The following SEMA3D variants were observed in gnomAD, a reference collection of about 807,000 sequenced individuals.
The protein encoded by SEMA3D is semaphorin 3D.
A neutral mutation model predicts 100.1 loss-of-function variants in SEMA3D; 84 were observed. The observed-to-expected ratio is 0.84, with a 90% CI of 0.70 to 1.01. The LOEUF is 1.01. Among genes scored for constraint, SEMA3D ranks in the 50% least tolerant of loss-of-function variants. SEMA3D has a pLI of 0.00. For synonymous variants in SEMA3D, 312 were observed against 320.7 expected (o/e 0.97, Z 0.29); for missense variants, 875 against 934.1 (o/e 0.94, Z 0.82).
At chr7:85,212,683 C>T in the SEMA3D span, among the ~76,000 whole-genome samples, 3 of 151,878 alleles carry the variant, frequency 2.0e-5, no homozygotes, top group Non-Finnish European at 4.4e-5. Context: ...TAATGATTTA[C>T]TACAGATAAA....
intron 9 of SEMA3D, among the ~76,000 whole-genome samples, chr7:85,048,997 C>T (rs1791084033): frequency 6.6e-6 from 1 of 151,726 alleles, no homozygotes; most frequent in African/African-American, 2.4e-5. Flanking sequence ...TTGGCACTTG[C>T]TCTTTACTGT....
chr7:85,120,021 C>T (rs1177091651), intron 3 of SEMA3D, among the ~76,000 whole-genome samples: 2 of 151,034 alleles, frequency 1.3e-5, no homozygotes, highest in Non-Finnish European at 2.9e-5. Flanking sequence ...TAGCTCACTG[C>T]AGTCAAACTC....
At chr7:85,023,457 G>T (rs961350052) in intron 12 of SEMA3D, among the ~76,000 whole-genome samples, 1 of 151,772 alleles carries the variant, frequency 6.6e-6, no homozygotes, top group Non-Finnish European at 1.5e-5. Context: ...ACCTCGTATA[G>T]AACGATTCTT....
chr7:85,165,117 T>C (rs1277037615), intron 1 of SEMA3D, among the ~76,000 whole-genome samples: 3 of 151,808 alleles, frequency 2.0e-5, no homozygotes, highest in East Asian at 1.9e-4. Flanking sequence ...GTCCTTGCGA[T>C]AGACGAGTTA....
chr7:85,126,731 C>A (rs755434102), intron 2 of SEMA3D, among the ~76,000 whole-genome samples: 4 of 151,680 alleles, frequency 2.6e-5, no homozygotes, highest in Non-Finnish European at 4.4e-5. Flanking sequence ...GTGGACAGCA[C>A]AACAAAGAGG....
At position 85,022,550 on chromosome 7, in the gene SEMA3D, T is replaced by G. The variant is rs769440994; in HGVS notation, c.1255A>C (p.Ser419Arg). The part of the protein sequence containing the change: ...STRDFPDDVI[S>R]FIKRHSVMYK... ...ATCACAGAGTGCCGCTTTATGAAAC[T>G]GATGACATCATCTGGAAAATCTCGG... is the stretch of plus-strand genomic sequence containing the variant. The change falls in exon 13 of 19, where the codon AGT becomes CGT. Residue 419 changes from serine to arginine, a missense_variant. Ser to Arg is a moderately radical substitution (Grantham distance 110). Coordinates refer to ENST00000284136, the MANE Select transcript of SEMA3D (RefSeq NM_001384900.1). 6 of 1,612,490 alleles carry G rather than the reference T, an allele frequency of 3.7e-6. No homozygotes were observed. The African/African-American group carries it at 6.7e-5, about 18-fold the overall frequency.
At chr7:85,016,163 C>T (rs940098766) in intron 15 of SEMA3D, among the ~76,000 whole-genome samples, 4 of 151,024 alleles carry the variant, frequency 2.6e-5, no homozygotes, top group Admixed American at 6.6e-5. Flanking sequence ...CTGTTTGACA[C>T]TAATGACTAT....
chr7:85,188,085 T>C (rs1271370045), upstream of SEMA3D, among the ~76,000 whole-genome samples: 1 of 152,190 alleles, frequency 6.6e-6, no homozygotes, highest in Non-Finnish European at 1.5e-5. Flanking sequence ...ACAAGAGATA[T>C]CTTGATTTGG....
chr7:85,151,577 G>A (rs1790419830), intron 2 of SEMA3D: 1 of 907,400 alleles, frequency 1.1e-6, no homozygotes, highest in Non-Finnish European at 1.3e-6. Flanking sequence ...CGTAGTTGAT[G>A]TGTGTATGCA....
At chr7:85,015,469 A>G (rs1790072416) in intron 15 of SEMA3D, among the ~76,000 whole-genome samples, 1 of 151,836 alleles carries the variant, frequency 6.6e-6, no homozygotes, top group South Asian at 2.1e-4. Context: ...CAGAAGGTCA[A>G]AAACCAGCTG....
intron 18 of SEMA3D, 140 bp from the exon 19 acceptor site, chr7:85,000,005 T>G (rs1357618600): frequency 1.4e-6 from 1 of 722,586 alleles, no homozygotes; most frequent in African/African-American, 1.8e-5. Context: ...AAGCATAATA[T>G]TGTCAGCCAT....
At chr7:85,177,797 A>G (rs912831022) in intron 1 of SEMA3D, among the ~76,000 whole-genome samples, 3 of 152,188 alleles carry the variant, frequency 2.0e-5, no homozygotes, top group African/African-American at 7.2e-5. Flanking sequence ...AAATGGCAGC[A>G]AGGTGGTAAA....
chr7:85,055,698 A>G lies in SEMA3D; in HGVS notation c.861+19T>C, dbSNP rs781132683. ...TATATATATATATGTTTTAAGTAAA[A>G]TATATAAATATATCTTGCCTTACAA... On this transcript the variant is annotated intron_variant, in intron 9 of 18. Transcript: ENST00000284136. 2.6e-6 allele frequency: 2 copies of G among 782,756 alleles called. No individual in the cohort carries two copies. The highest frequency in any genetic ancestry group is 3.1e-5 in the Admixed American group (1 of 31,838). The allele number at this position is 782,756 out of a possible 1,614,324, so 48.5% of individuals were successfully genotyped here.
chr7:85,198,535 C>T, the SEMA3D span, among the ~76,000 whole-genome samples: 470 of 151,914 alleles, frequency 3.1e-3, 2 homozygotes, highest in African/African-American at 0.011. Flanking sequence ...CCTTCTATCT[C>T]TACTGGGATA....
At chr7:85,091,458 C>T (rs1427158080) in intron 4 of SEMA3D, among the ~76,000 whole-genome samples, 1 of 150,794 alleles carries the variant, frequency 6.6e-6, no homozygotes, top group Non-Finnish European at 1.5e-5. Flanking sequence ...CATAACCAAA[C>T]AGAGAGTATT....
chr7:85,220,427 T>G, the SEMA3D span, among the ~76,000 whole-genome samples: 503 of 151,952 alleles, frequency 3.3e-3, 4 homozygotes, highest in African/African-American at 0.012. Flanking sequence ...CAAAAAATGT[T>G]TATTGGCACT....
chr7:85,086,638 G>A (rs1788225540), intron 4 of SEMA3D, among the ~76,000 whole-genome samples: 1 of 150,882 alleles, frequency 6.6e-6, no homozygotes, highest in Admixed American at 6.7e-5. Flanking sequence ...CTCCGTGTGT[G>A]TGTGTGTGTG....
chr7:85,232,711 A>G, the SEMA3D span, among the ~76,000 whole-genome samples: 8,441 of 152,258 alleles, frequency 0.055, 644 homozygotes, highest in African/African-American at 0.18. Context: ...ACTACTAGCT[A>G]AGAGTGTACA....
chr7:85,098,771 A>G (rs1788651011), intron 3 of SEMA3D, among the ~76,000 whole-genome samples: 1 of 151,928 alleles, frequency 6.6e-6, no homozygotes, highest in South Asian at 2.1e-4. Context: ...AGTATCAACC[A>G]TTGTAGTATC....
Sources: allele counts gnomAD v4.1 joint callset (sites outside exome capture counted in the v4.1 genomes callset), GRCh38; gene constraint gnomAD v4.1.1; transcripts MANE v1.5; gene names NCBI Gene and HGNC (gene_info 2026-07-23, HGNC 2026-07-21).